The following SYNPR variants were observed in gnomAD, a reference collection of about 807,000 sequenced individuals.
SYNPR encodes synaptoporin.
Under a neutral mutation model 32.9 loss-of-function variants are expected in SYNPR, and 23 were observed. That is an observed-to-expected ratio of 0.70 (90% CI 0.50 to 0.99). The LOEUF is 0.99. SYNPR is among the 50% of genes least tolerant of loss of function. SYNPR has a pLI of 0.00. For missense variants in SYNPR, 318 were observed against 349.3 expected, an observed-to-expected ratio of 0.91 and a Z score of 0.71; for synonymous variants, 146 against 135.9, an observed-to-expected ratio of 1.07 and a Z score of -0.52.
intron 2 of SYNPR, among the ~76,000 whole-genome samples, chr3:63,408,275 A>G (rs1424150716): frequency 7.9e-5 from 7 of 88,082 alleles, no homozygotes; most frequent in East Asian, 6.3e-4. Flanking sequence ...GAAAGAAAGA[A>G]AGAGGAAGGA....
the SYNPR span, among the ~76,000 whole-genome samples, chr3:63,209,260 G>A: frequency 6.9e-6 from 1 of 144,616 alleles, no homozygotes; most frequent in Admixed American, 7.5e-5. Context: ...GGAGCCTGCA[G>A]CGAGCAGAGA....
At chr3:63,323,151 T>G (rs1385467923) in intron 2 of SYNPR, among the ~76,000 whole-genome samples, 1 of 152,046 alleles carries the variant, frequency 6.6e-6, no homozygotes, top group Non-Finnish European at 1.5e-5. Flanking sequence ...TGGAGTTTGC[T>G]GGGGAAGAGC....
intron 2 of SYNPR, among the ~76,000 whole-genome samples, chr3:63,448,028 G>A (rs1345356282): frequency 7.3e-6 from 1 of 137,088 alleles, no homozygotes; most frequent in Non-Finnish European, 1.6e-5. Flanking sequence ...TTTTGAGATG[G>A]AGTCTCATTC....
chr3:63,608,222 G>A (rs1322218787), intron 4 of SYNPR, among the ~76,000 whole-genome samples: 1 of 152,004 alleles, frequency 6.6e-6, no homozygotes, highest in Admixed American at 6.6e-5. Context: ...TCAGAAGTTT[G>A]GAGATGGTCT....
intron 2 of SYNPR, among the ~76,000 whole-genome samples, chr3:63,420,690 A>G (rs893260949): frequency 4.6e-5 from 7 of 152,268 alleles, no homozygotes; most frequent in Non-Finnish European, 8.8e-5. Context: ...TTAAAGATAA[A>G]GTTAGGCTTT....
chr3:63,601,782 G>A (rs1451827520), intron 4 of SYNPR, among the ~76,000 whole-genome samples: 4 of 152,106 alleles, frequency 2.6e-5, no homozygotes, highest in Non-Finnish European at 5.9e-5. Flanking sequence ...GAATAGTGTG[G>A]CAGTAAACAT....
intron 3 of SYNPR, among the ~76,000 whole-genome samples, chr3:63,509,693 C>T (rs1173279140): frequency 6.6e-6 from 1 of 152,048 alleles, no homozygotes; most frequent in Non-Finnish European, 1.5e-5. Context: ...TAAGTTCCAA[C>T]TAAATTGATA....
At chr3:63,500,874 T>C (rs1387509874) in intron 3 of SYNPR, among the ~76,000 whole-genome samples, 2 of 152,118 alleles carry the variant, frequency 1.3e-5, no homozygotes, top group African/African-American at 2.4e-5. Context: ...TTATAGTACA[T>C]AGTGTGGTAT....
At chr3:63,540,520 A>G (rs910163563) in intron 3 of SYNPR, among the ~76,000 whole-genome samples, 2 of 152,028 alleles carry the variant, frequency 1.3e-5, no homozygotes, top group Non-Finnish European at 2.9e-5. Flanking sequence ...GATTGATAAA[A>G]TGGAGACATG....
chr3:63,484,404 G>T (rs1393451688), intron 3 of SYNPR, among the ~76,000 whole-genome samples: 3 of 152,074 alleles, frequency 2.0e-5, no homozygotes, highest in Admixed American at 6.6e-5. Flanking sequence ...GGAAAGTAGG[G>T]TTTCTCATTT....
intron 2 of SYNPR, among the ~76,000 whole-genome samples, chr3:63,282,923 T>C (rs1288572968): frequency 1.3e-5 from 2 of 152,138 alleles, no homozygotes; most frequent in Non-Finnish European, 2.9e-5. Flanking sequence ...AAAATATAGT[T>C]TTGTATGTGA....
chr3:63,602,839 T>TC lies in SYNPR; in HGVS notation c.409-6284dup, dbSNP rs1261163059. On this transcript the variant is annotated intron_variant, in intron 4 of 5. Transcript: ENST00000478300. ...GCCTTGGTCATTCAGGCTCATTTTT[T>TC]CCATATTAATTTTAAAATAGTTTTG... 1.5e-4 allele frequency among the ~76,000 whole-genome samples: 23 copies of TC among 152,274 alleles called. No homozygotes were observed. The South Asian group carries it at 2.9e-3, about 19-fold the overall frequency.
chr3:63,501,645 T>C (rs1014997566), intron 3 of SYNPR, among the ~76,000 whole-genome samples: 1 of 152,210 alleles, frequency 6.6e-6, no homozygotes, highest in African/African-American at 2.4e-5. Context: ...CAGCTTTTGT[T>C]ATCTCCGTGT....
chr3:63,248,486 A>G (rs930038661), intron 1 of SYNPR, among the ~76,000 whole-genome samples: 3 of 152,146 alleles, frequency 2.0e-5, no homozygotes, highest in Non-Finnish European at 4.4e-5. Flanking sequence ...AAAATATAAT[A>G]AATGGACACA....
chr3:63,203,170 T>C, the SYNPR span: 2 of 149,722 alleles, frequency 1.3e-5, no homozygotes, highest in Admixed American at 6.7e-5. Context: ...GGTGAGGATG[T>C]GAGGATGAGA....
chr3:63,219,136 C>T, the SYNPR span, among the ~76,000 whole-genome samples: 21 of 152,288 alleles, frequency 1.4e-4, no homozygotes, highest in South Asian at 3.7e-3. Flanking sequence ...AGGGAGAGGA[C>T]TTCTTGTACA....
chr3:63,596,382 T>C (rs1414884529), intron 4 of SYNPR, among the ~76,000 whole-genome samples: 1 of 149,016 alleles, frequency 6.7e-6, no homozygotes, highest in Non-Finnish European at 1.5e-5. Context: ...TCTCCCTTTT[T>C]CTCTTCCCTG....
In SYNPR at chr3:63,343,355, G is replaced by A. The variant is rs79907153; in HGVS notation, c.84+64613G>A. ...ATGGACAATGGATTCTAGGAGAGCC[G>A]AGGAACATATTATGAAGATAACATT... On this transcript the variant is annotated intron_variant, in intron 2 of 5. Coordinates refer to ENST00000478300, the MANE Select transcript of SYNPR (RefSeq NM_001130003.2). 3.8e-3 allele frequency among the ~76,000 whole-genome samples: 580 copies of A among 152,272 alleles called. 2 individuals are homozygous for A. The highest frequency in any genetic ancestry group is 7.1e-3 in the Non-Finnish European group (484 of 68,032).
the SYNPR span, among the ~76,000 whole-genome samples, chr3:63,210,013 A>G: frequency 6.6e-6 from 1 of 151,938 alleles, no homozygotes; most frequent in Non-Finnish European, 1.5e-5. Flanking sequence ...CAGAGTCCAT[A>G]TTAGCTAAAA....
Sources: allele counts gnomAD v4.1 joint callset (sites outside exome capture counted in the v4.1 genomes callset), GRCh38; gene constraint gnomAD v4.1.1; transcripts MANE v1.5; gene names NCBI Gene and HGNC (gene_info 2026-07-23, HGNC 2026-07-21).